CYP1A2: variants seen among roughly 807,000 people sequenced by gnomAD.
CYP1A2 encodes cytochrome P450 1A2.
In CYP1A2, 35 loss-of-function variants were observed where a neutral mutation model predicts 34.7. The ratio of observed to expected loss-of-function variants is 1.01; its 90% CI spans 0.77 to 1.34. CYP1A2 has a LOEUF of 1.34. CYP1A2 is among the 40% of genes most tolerant of loss of function. The pLI is 0.00. For missense variants in CYP1A2, 675 were observed against 675.8 expected (o/e 1.00, Z 0.01); for synonymous variants, 288 against 281.9 (o/e 1.02, Z -0.22).
intron 5 of CYP1A2, among the ~76,000 whole-genome samples, chr15:74,752,754 G>T (rs1244886912): frequency 2.0e-4 from 31 of 151,954 alleles, no homozygotes; most frequent in Non-Finnish European, 1.5e-4. Flanking sequence ...ACAATGTCAA[G>T]AGAGTTAGTG....
chr15:74,752,058 A>AG (rs2082669947), intron 4 of CYP1A2, 66 bp from the exon 5 acceptor site: 1 of 1,602,910 alleles, frequency 6.2e-7, no homozygotes, highest in African/African-American at 1.3e-5. Context: ...ATGGGGTATA[A>AG]GAGGGGATAA....
intron 1 of CYP1A2, among the ~76,000 whole-genome samples, chr15:74,749,517 C>CT (rs1378700641): frequency 6.6e-6 from 1 of 152,166 alleles, no homozygotes; most frequent in Non-Finnish European, 1.5e-5. Context: ...TGTTGGGAAT[C>CT]TTGAGGCTCC....
chr15:74,750,647 C>T (rs2063310994), intron 2 of CYP1A2, 78 bp downstream of exon 2: 6 of 1,250,294 alleles, frequency 4.8e-6, no homozygotes, highest in Non-Finnish European at 5.7e-6. Context: ...CCAGCATGCC[C>T]ACACAGCTGC....
At chr15:74,752,352 G>A (rs17861159) in intron 5 of CYP1A2, 105 bp downstream of exon 5, 44 of 1,488,886 alleles carry the variant, frequency 3.0e-5, no homozygotes, top group African/African-American at 8.3e-5. Context: ...TCCCGACCTC[G>A]TTCCCCACAG....
In CYP1A2 at chr15:74,755,218, AT is replaced by A; in HGVS notation, c.*134del. On this transcript the variant is annotated 3_prime_UTR_variant, in exon 7 of 7. Transcript: ENST00000343932. ...CAAGTGCAGGGCCTGTAATCCCAGCATTTTAGGAGGCCAAGGTTGGAGGATC... is the reference window on the plus strand; with the variant it reads ...CAAGTGCAGGGCCTGTAATCCCAGCATTTAGGAGGCCAAGGTTGGAGGATC... 2 of 1,050,638 alleles carry A rather than the reference AT, an allele frequency of 1.9e-6. No individual in the cohort carries two copies. The highest frequency in any genetic ancestry group is 2.7e-6 in the Non-Finnish European group (2 of 747,034). The allele number at this position is 1,050,638 out of a possible 1,614,324, so 65.1% of individuals were successfully genotyped here. A position where few individuals can be genotyped will look rare whatever the true frequency, so the allele number is the denominator to read the frequency against.
intron 2 of CYP1A2, among the ~76,000 whole-genome samples, 166 bp downstream of exon 2, chr15:74,750,735 G>A (rs2063311299): frequency 6.6e-6 from 1 of 152,108 alleles, no homozygotes; most frequent in African/African-American, 2.4e-5. Flanking sequence ...CCCCTTCTCT[G>A]GGCCTCAGTT....
At position 74,749,878 on chromosome 15, in the gene CYP1A2, G is replaced by A. The variant is rs777457540; in HGVS notation, c.140G>A (p.Gly47Asp). Residue 47 changes from glycine to aspartate, a missense_variant, in exon 2 of 7, where the codon GGC becomes GAC. Coordinates refer to ENST00000343932, the MANE Select transcript of CYP1A2 (RefSeq NM_000761.5). ...CTGAAAAGTCCACCAGAGCCATGGG[G>A]CTGGCCCTTGCTCGGGCATGTGCTG... Reference protein sequence around the residue: ...KGLKSPPEPWGWPLLGHVLTL... With the variant: ...KGLKSPPEPWDWPLLGHVLTL... 1 of 1,608,984 alleles carries A rather than the reference G, an allele frequency of 6.2e-7. No individual in the cohort carries two copies. The highest frequency in any genetic ancestry group is 8.5e-7 in the Non-Finnish European group (1 of 1,176,074).
At chr15:74,754,566 ACT>A (rs1241416822) in intron 6 of CYP1A2, among the ~76,000 whole-genome samples, 4 of 150,378 alleles carry the variant, frequency 2.7e-5, no homozygotes, top group Non-Finnish European at 5.9e-5. Context: ...GCACCACTGT[ACT>A]CCAGCCTGGG....
rs757707764 is a variant in CYP1A2, at chr15:74,750,453, T to C, written c.715T>C (p.Phe239Leu). 4 of 1,614,200 alleles carry C rather than the reference T, an allele frequency of 2.5e-6. No homozygotes were observed. In the South Asian group the frequency reaches 4.4e-5, roughly 18 times the overall value. The change falls in exon 2 of 7, where the codon TTC becomes CTC. Residue 239 changes from phenylalanine (F) to leucine (L), a missense_variant. Coordinates refer to ENST00000343932, the MANE Select transcript of CYP1A2 (RefSeq NM_000761.5). ...TASSGNPLDFFPILRYLPNPA... is the reference protein window; with the variant it reads ...TASSGNPLDFLPILRYLPNPA... ...CTCCTCCGGGAACCCCCTGGACTTC[T>C]TCCCCATCCTTCGCTACCTGCCTAA...
chr15:74,749,268 C>T (rs1245962476), intron 1 of CYP1A2, among the ~76,000 whole-genome samples: 1 of 152,186 alleles, frequency 6.6e-6, no homozygotes, highest in African/African-American at 2.4e-5. Flanking sequence ...GCCCTGGGAC[C>T]TTGGCCACCT....
At chr15:74,749,615 C>A in intron 1 of CYP1A2, 115 bp from the exon 2 acceptor site, 1 of 862,952 alleles carries the variant, frequency 1.2e-6, no homozygotes, top group Non-Finnish European at 1.8e-6. Context: ...TTTCTGGTAT[C>A]CAGCTGGGAG....
At position 74,750,262 on chromosome 15, in the gene CYP1A2, G is replaced by A; in HGVS notation, c.524G>A (p.Arg175Lys). The A allele has an allele frequency of 6.2e-7, 1 of 1,614,238 alleles. No homozygotes were observed. The change falls in exon 2 of 7, where the codon AGG (arginine) becomes AAG (lysine). Residue 175 changes from arginine (R) to lysine (K), a missense_variant. By Grantham distance (26) the Arg-to-Lys change is conservative. Transcript: ENST00000343932. ...VSKEAKALIS[R>K]LQELMAGPGH... ...AAGGAGGCTAAGGCCCTGATCAGCA[G>A]GTTGCAGGAGCTGATGGCAGGGCCT...
intron 5 of CYP1A2, 27 bp downstream of exon 5, chr15:74,752,274 A>T (rs1166669693): frequency 1.2e-6 from 2 of 1,609,652 alleles, no homozygotes; most frequent in Non-Finnish European, 1.7e-6. Flanking sequence ...CTGCCCTCCC[A>T]CCTCTAAAGT....
intron 5 of CYP1A2, among the ~76,000 whole-genome samples, chr15:74,752,871 T>C (rs931269693): frequency 5.4e-5 from 1 of 18,528 alleles, no homozygotes; most frequent in East Asian, 5.0e-3. Context: ...TGCCTGCTGC[T>C]TTTTTTTTTT....
In CYP1A2 at chr15:74,756,361, C is replaced by T. The variant is rs150442649; in HGVS notation, c.*1273C>T. 2.0e-5 allele frequency among the ~76,000 whole-genome samples: 3 copies of T among 152,252 alleles called. No homozygotes were observed. Among genetic ancestry groups the T allele is most frequent in the African/African-American group, 7.2e-5 (3 of 41,534 alleles). ...CAAACTCCTGACCTCAAGTGATCTG[C>T]CCGCCTCGACCTCTCTCAAAGTGCT... On this transcript the variant is annotated 3_prime_UTR_variant, in exon 7 of 7. Transcript: ENST00000343932.
intron 4 of CYP1A2, 34 bp from the exon 5 acceptor site, chr15:74,752,090 C>T (rs200095478): frequency 1.2e-6 from 2 of 1,612,290 alleles, no homozygotes; most frequent in East Asian, 2.2e-5. Flanking sequence ...GTTAGGGCAG[C>T]CCCTGAGCTC....
chr15:74,750,994 G>T (rs142975056), intron 2 of CYP1A2, among the ~76,000 whole-genome samples, 195 bp from the exon 3 acceptor site: 1 of 152,220 alleles, frequency 6.6e-6, no homozygotes, highest in Non-Finnish European at 1.5e-5. Flanking sequence ...AGGGTCAATG[G>T]GGCATAAAAT....
At position 74,756,369 on chromosome 15, in the gene CYP1A2, G is replaced by T. The variant is rs1261635004; in HGVS notation, c.*1281G>T. On this transcript the variant is annotated 3_prime_UTR_variant, in exon 7 of 7. Coordinates refer to ENST00000343932, the MANE Select transcript of CYP1A2 (RefSeq NM_000761.5). ...TGACCTCAAGTGATCTGCCCGCCTC[G>T]ACCTCTCTCAAAGTGCTGGCATTAC... Among the ~76,000 whole-genome samples the T allele has an allele frequency of 6.6e-6, 1 of 151,974 alleles. No individual in the cohort carries two copies. Among genetic ancestry groups the T allele is most frequent in the African/African-American group, 2.4e-5 (1 of 41,364 alleles).
Position 74,750,443 on chromosome 15 carries a change from C to T in CYP1A2, c.705C>T (p.Pro235=). ...TGGAGACTGCCTCCTCCGGGAACCCCCTGGACTTCTTCCCCATCCTTCGCT... is the reference window on the plus strand; with the variant it reads ...TGGAGACTGCCTCCTCCGGGAACCCTCTGGACTTCTTCCCCATCCTTCGCT... The part of the protein sequence containing the change: ...EFVETASSGN[P]LDFFPILRYL... Residue 235 remains proline, a synonymous_variant, in exon 2 of 7, where the codon CCC becomes CCT. Coordinates refer to ENST00000343932, the MANE Select transcript of CYP1A2 (RefSeq NM_000761.5). 6.2e-7 allele frequency: 1 copy of T among 1,614,190 alleles called. No individual in the cohort carries two copies. The highest frequency in any genetic ancestry group is 2.2e-5 in the East Asian group (1 of 44,884).
Sources: gnomAD v4.1 joint callset for allele counts (sites outside exome capture counted in the v4.1 genomes callset) on GRCh38, gnomAD v4.1.1 for gene constraint, MANE v1.5 for transcripts, NCBI Gene and HGNC (gene_info 2026-07-23, HGNC 2026-07-21) for gene names.